CCNY: variants seen among roughly 807,000 people sequenced by gnomAD.
The protein encoded by CCNY is cyclin Y.
CCNY carries 19 observed loss-of-function variants against 42.8 expected under a neutral mutation model. The ratio of observed to expected loss-of-function variants is 0.44; its 90% CI spans 0.31 to 0.65. The LOEUF (loss-of-function observed/expected upper bound fraction) is 0.65, where lower values mean the gene tolerates loss of function less well. Ranked by LOEUF, CCNY falls within the 30% of genes least tolerant of loss-of-function variation. The probability of loss-of-function intolerance (pLI) is 0.07; values close to 1 mark genes in which losing one functional copy is unlikely to be tolerated. For missense variants in CCNY, 370 were observed against 437.3 expected, an observed-to-expected ratio of 0.85 and a Z score of 1.37; for synonymous variants, 165 against 162.7, an observed-to-expected ratio of 1.01 and a Z score of -0.11.
intron 3 of CCNY, among the ~76,000 whole-genome samples, chr10:35,256,751 A>G (rs201369839): frequency 1.6e-5 from 1 of 62,066 alleles, no homozygotes; most frequent in Non-Finnish European, 3.1e-5. Context: ...CATTAAAAAA[A>G]AAAAAAAAAA....
At chr10:35,402,063 G>A (rs997997352) in intron 1 of CCNY, among the ~76,000 whole-genome samples, 1 of 152,154 alleles carries the variant, frequency 6.6e-6, no homozygotes, top group Non-Finnish European at 1.5e-5. Flanking sequence ...TAGTGGTAAA[G>A]CGTTGGGGTG....
At chr10:35,405,326 CAAG>C (rs1837734272) in intron 1 of CCNY, among the ~76,000 whole-genome samples, 2 of 151,942 alleles carry the variant, frequency 1.3e-5, no homozygotes, top group African/African-American at 4.8e-5. Flanking sequence ...CATTTGTTGT[CAAG>C]GAGGGAGTAG....
intron 3 of CCNY, among the ~76,000 whole-genome samples, chr10:35,291,860 A>C (rs1201295720): frequency 2.0e-5 from 3 of 152,106 alleles, no homozygotes; most frequent in Non-Finnish European, 4.4e-5. Flanking sequence ...GTGTGGACTA[A>C]GATTTTATTT....
intron 3 of CCNY, among the ~76,000 whole-genome samples, chr10:35,309,683 A>T (rs1176976117): frequency 2.6e-5 from 4 of 152,132 alleles, no homozygotes. Context: ...AGCCTCCCAA[A>T]GTGATGAGAT....
At chr10:35,433,354 A>G (rs1838455716) in intron 1 of CCNY, among the ~76,000 whole-genome samples, 1 of 151,918 alleles carries the variant, frequency 6.6e-6, no homozygotes, top group Non-Finnish European at 1.5e-5. Flanking sequence ...TTTCAGCCTT[A>G]TTTTTATTTA....
At position 35,336,821 on chromosome 10, in the gene CCNY, G is replaced by A. The variant is rs1206664722; in HGVS notation, c.-233G>A. On this transcript the variant is annotated 5_prime_UTR_variant, in exon 1 of 10. Coordinates refer to ENST00000374704, the MANE Select transcript of CCNY (RefSeq NM_145012.6). Reference sequence around the variant, plus strand: ...CGCCGCGGATAGGCCGGCCGAGGGGGAGCCGGGGCCGTCGCCCGCTCGTCG... The same window carrying A: ...CGCCGCGGATAGGCCGGCCGAGGGGAAGCCGGGGCCGTCGCCCGCTCGTCG... 6.8e-6 allele frequency: 1 copy of A among 147,620 alleles called. No individual in the cohort carries two copies. Among genetic ancestry groups the A allele is most frequent in the South Asian group, 1.8e-4 (1 of 5,544 alleles). The allele number at this position is 147,620 out of a possible 1,614,324, so 9.1% of individuals were successfully genotyped here.
At chr10:35,383,763 A>T (rs936196364) in intron 1 of CCNY, among the ~76,000 whole-genome samples, 1 of 152,190 alleles carries the variant, frequency 6.6e-6, no homozygotes, top group Admixed American at 6.5e-5. Flanking sequence ...TTGTTTTAAC[A>T]TAATAGTCCT....
intron 1 of CCNY, among the ~76,000 whole-genome samples, chr10:35,464,757 C>T (rs1053341074): frequency 1.3e-5 from 2 of 152,160 alleles, no homozygotes; most frequent in South Asian, 2.1e-4. Context: ...GCCTCACCAT[C>T]GTGTTTCTCT....
chr10:35,334,037 G>C (rs1835978154), upstream of CCNY, among the ~76,000 whole-genome samples: 1 of 126,256 alleles, frequency 7.9e-6, no homozygotes, highest in Non-Finnish European at 1.6e-5. Context: ...AGGAGATAGG[G>C]AAAGAGGGGG....
intron 8 of CCNY, among the ~76,000 whole-genome samples, chr10:35,561,121 C>G (rs1188965600): frequency 6.6e-6 from 1 of 152,212 alleles, no homozygotes; most frequent in Non-Finnish European, 1.5e-5. Context: ...CCACAAATCC[C>G]ACTTGGGTGT....
At chr10:35,251,542 C>T (rs1212955744) in intron 3 of CCNY, among the ~76,000 whole-genome samples, 2 of 150,500 alleles carry the variant, frequency 1.3e-5, no homozygotes, top group Non-Finnish European at 2.9e-5. Flanking sequence ...AATAATTAGA[C>T]TTCATACTTA....
chr10:35,265,386 A>G (rs2095724147), intron 3 of CCNY, among the ~76,000 whole-genome samples: 1 of 152,234 alleles, frequency 6.6e-6, no homozygotes, highest in East Asian at 1.9e-4. Flanking sequence ...TAACTTGACA[A>G]ATAATGATGT....
chr10:35,459,234 C>T (rs1355580835), intron 1 of CCNY, among the ~76,000 whole-genome samples: 2 of 152,200 alleles, frequency 1.3e-5, no homozygotes, highest in African/African-American at 2.4e-5. Context: ...AGTCAAGAGG[C>T]TCCCGGGCCA....
chr10:35,354,972 G>A (rs1157571054), intron 1 of CCNY, among the ~76,000 whole-genome samples: 1 of 152,082 alleles, frequency 6.6e-6, no homozygotes, highest in African/African-American at 2.4e-5. Flanking sequence ...TACACATGGT[G>A]GAAAATGGCC....
intron 1 of CCNY, among the ~76,000 whole-genome samples, chr10:35,406,853 G>C (rs906039848): frequency 1.3e-5 from 2 of 151,778 alleles, no homozygotes; most frequent in Non-Finnish European, 2.9e-5. Flanking sequence ...CTGGCCGGGC[G>C]GGGGGCTGAC....
chr10:35,248,498 T>G (rs2095709711), intron 2 of CCNY, among the ~76,000 whole-genome samples: 1 of 151,740 alleles, frequency 6.6e-6, no homozygotes, highest in Non-Finnish European at 1.5e-5. Flanking sequence ...ACAAAAAAAT[T>G]AGCTGGGCAT....
intron 3 of CCNY, among the ~76,000 whole-genome samples, chr10:35,302,174 G>C (rs1835545079): frequency 6.6e-6 from 1 of 150,786 alleles, no homozygotes; most frequent in African/African-American, 2.4e-5. Context: ...TGTTGGCCAG[G>C]ATGGTCTCGA....
chr10:35,343,000 C>CTTT (rs112760907), intron 1 of CCNY, among the ~76,000 whole-genome samples: 3 of 128,356 alleles, frequency 2.3e-5, no homozygotes, highest in African/African-American at 5.7e-5. Flanking sequence ...TCCTGCCTGC[C>CTTT]TTTTTTTTTT....
At chr10:35,496,732 G>T (rs942442246) in intron 2 of CCNY, among the ~76,000 whole-genome samples, 1 of 152,196 alleles carries the variant, frequency 6.6e-6, no homozygotes, top group Admixed American at 6.5e-5. Context: ...GCCTACCTAT[G>T]ACAGGAATCA....
Sources: gnomAD v4.1 joint callset for allele counts (sites outside exome capture counted in the v4.1 genomes callset) on GRCh38, gnomAD v4.1.1 for gene constraint, MANE v1.5 for transcripts, NCBI Gene and HGNC (gene_info 2026-07-23, HGNC 2026-07-21) for gene names.